Variants in DCAF6 observed in about 807,000 individuals in gnomAD.
The protein encoded by DCAF6 is DDB1 and CUL4 associated factor 6, also known as DDB1- and CUL4-associated factor 6.
Under a neutral mutation model 125.1 loss-of-function variants are expected in DCAF6, and 54 were observed. The ratio of observed to expected loss-of-function variants is 0.43; its 90% CI spans 0.35 to 0.54. The LOEUF is 0.54. Ranked by LOEUF, DCAF6 falls within the 20% of genes least tolerant of loss-of-function variation. DCAF6 has a pLI of 0.01. For missense variants in DCAF6, 934 were observed against 1,161.7 expected (o/e 0.80, Z 2.85); for synonymous variants, 371 against 390.4 (o/e 0.95, Z 0.58).
intron 11 of DCAF6, 116 bp from the exon 12 acceptor site, chr1:168,022,872 A>G (rs2103242308): frequency 4.5e-6 from 4 of 882,902 alleles, no homozygotes; most frequent in East Asian, 5.3e-5. Flanking sequence ...ACACCACAGT[A>G]CTTACTTCTA....
chr1:167,922,399 A>G, the DCAF6 span, among the ~76,000 whole-genome samples: 4 of 152,280 alleles, frequency 2.6e-5, no homozygotes, highest in African/African-American at 9.6e-5. Context: ...TTGAGATCAA[A>G]GAGGCCCCTA....
chr1:167,971,809 A>G lies in DCAF6; in HGVS notation c.253-3021A>G, dbSNP rs182207424. 2.6e-5 allele frequency among the ~76,000 whole-genome samples: 4 copies of G among 152,314 alleles called. No homozygotes were observed. The East Asian group carries it at 7.7e-4, about 29-fold the overall frequency. On this transcript the variant is annotated intron_variant, in intron 3 of 21. Transcript: ENST00000367840. ...AACTCATAATGCATTGATCCAAGGAAAGCACAACTAAGAAGATAAATCCAT... is the reference window on the plus strand; with the variant it reads ...AACTCATAATGCATTGATCCAAGGAGAGCACAACTAAGAAGATAAATCCAT...
At chr1:168,019,876 T>C (rs758353088) in intron 11 of DCAF6, 16 of 161,506 alleles carry the variant, frequency 9.9e-5, no homozygotes, top group Admixed American at 3.6e-4. Flanking sequence ...ATAATGACAG[T>C]CACATGGCAG....
the DCAF6 span, among the ~76,000 whole-genome samples, chr1:167,877,247 T>C: frequency 6.7e-6 from 1 of 149,144 alleles, no homozygotes; most frequent in Non-Finnish European, 1.5e-5. Flanking sequence ...CTATCTCGTA[T>C]GGTCAATATT....
rs1688758439 is a variant in DCAF6 at position 168,043,102 on chromosome 1, A to G, written c.1805A>G (p.Gln602Arg). 1.9e-6 allele frequency: 3 copies of G among 1,612,852 alleles called. No individual in the cohort carries two copies. The African/African-American group carries it at 4.0e-5, about 22-fold the overall frequency. ...GGTCAGGAGGAATCTTTCGTCCCAC[A>G]GAGCTCAGTGCAACCACCAGAAGGA... ...SEGQEESFVP[Q>R]SSVQPPEGDS... Residue 602 changes from glutamine (Q) to arginine (R), a missense_variant, in exon 14 of 22, where the codon CAG (glutamine) becomes CGG (arginine). Gln to Arg is a conservative substitution (Grantham distance 43). This residue lies in a region of DCAF6 where 559 missense variants were observed against 635.5 expected (regional missense o/e 0.88). Transcript: ENST00000367840.
At chr1:167,999,546 A>G (rs1571876404) in intron 7 of DCAF6, among the ~76,000 whole-genome samples, 2 of 152,150 alleles carry the variant, frequency 1.3e-5, no homozygotes, top group East Asian at 3.8e-4. Flanking sequence ...ACTTTGATCA[A>G]TTATCTTAGC....
chr1:167,887,896 A>G, the DCAF6 span, among the ~76,000 whole-genome samples: 2 of 151,994 alleles, frequency 1.3e-5, no homozygotes, highest in African/African-American at 4.8e-5. Context: ...AGTCTCCCCA[A>G]TGTTTTCTTG....
At chr1:167,879,898 C>T in the DCAF6 span, among the ~76,000 whole-genome samples, 1 of 152,170 alleles carries the variant, frequency 6.6e-6, no homozygotes, top group Non-Finnish European at 1.5e-5. Flanking sequence ...CCACTGCTCC[C>T]CTCTCATGAC....
intron 2 of DCAF6, among the ~76,000 whole-genome samples, chr1:167,954,285 AC>A (rs1276735442): frequency 2.0e-5 from 3 of 151,774 alleles, no homozygotes; most frequent in Non-Finnish European, 4.4e-5. Context: ...GAGCCACTGC[AC>A]CCCACCCACT....
intron 14 of DCAF6, among the ~76,000 whole-genome samples, chr1:168,044,265 A>G (rs1054750286): frequency 2.0e-5 from 3 of 152,188 alleles, no homozygotes; most frequent in East Asian, 3.8e-4. Context: ...TCTGGATTTA[A>G]TGATACATTT....
chr1:167,985,132 A>T (rs893905677), intron 4 of DCAF6, among the ~76,000 whole-genome samples: 5 of 152,056 alleles, frequency 3.3e-5, no homozygotes, highest in African/African-American at 1.2e-4. Flanking sequence ...TCCCTCCCAC[A>T]ACACGTGGCA....
At chr1:167,999,842 C>T (rs1033548462) in intron 7 of DCAF6, among the ~76,000 whole-genome samples, 10 of 152,252 alleles carry the variant, frequency 6.6e-5, no homozygotes, top group East Asian at 1.9e-4. Context: ...AAGGCTGTTT[C>T]GTTTTCTTAT....
At chr1:168,047,702 A>G (rs1053316085) in intron 16 of DCAF6, among the ~76,000 whole-genome samples, 44 of 151,620 alleles carry the variant, frequency 2.9e-4, no homozygotes, top group African/African-American at 8.2e-4. Context: ...TTATATATAT[A>G]TGTGTGTGTG....
chr1:168,042,251 A>G (rs1222411462), intron 13 of DCAF6, among the ~76,000 whole-genome samples: 1 of 151,910 alleles, frequency 6.6e-6, no homozygotes, highest in Non-Finnish European at 1.5e-5. Flanking sequence ...TTTATTTTAA[A>G]CTTAAAGAAT....
rs59674650 is a variant in DCAF6, at chr1:168,072,294, TAAAAAAAAAAAAAAAAAA to T, written c.2792-3063_2792-3046del. Among the ~76,000 whole-genome samples the T allele has an allele frequency of 8.8e-4, 36 of 41,010 alleles. No individual in the cohort carries two copies. In the South Asian group the frequency reaches 0.019, roughly 21 times the overall value. 26.9% of individuals were successfully genotyped at this position (41,010 alleles called of 152,430 possible). A position where few individuals can be genotyped will look rare whatever the true frequency, so the allele number is the denominator to read the frequency against. ...CCTGGTGACAGAGGGAGAATCAGTC[TAAAAAAAAAAAAAAAAAA>T]AAAAAAAAAAAAAGAAAAGAAAAGT... On this transcript the variant is annotated intron_variant, in intron 21 of 21. Coordinates refer to ENST00000367840, the MANE Select transcript of DCAF6 (RefSeq NM_001198956.2).
rs140500191 is a variant in DCAF6, at chr1:167,954,043, G to A, written c.159+2182G>A. ...TTGTTTTGAGACTGAGTCTCACTCC[G>A]TCTTCCAGGCTGGAGTGGAGTGGCA... On this transcript the variant is annotated intron_variant, in intron 2 of 21. Coordinates refer to ENST00000367840, the MANE Select transcript of DCAF6 (RefSeq NM_001198956.2). Among the ~76,000 whole-genome samples the A allele has an allele frequency of 6.5e-3, 981 of 151,974 alleles. 9 individuals are homozygous for A. Among genetic ancestry groups the A allele is most frequent in the African/African-American group, 0.022 (914 of 41,440 alleles).
At chr1:167,984,022 G>A (rs945310270) in intron 4 of DCAF6, among the ~76,000 whole-genome samples, 5 of 152,164 alleles carry the variant, frequency 3.3e-5, no homozygotes, top group Admixed American at 6.5e-5. Context: ...TACCATAGTC[G>A]CAAGGCTGCT....
chr1:168,065,501 TAAAAC>T (rs1452080729), intron 18 of DCAF6, 84 bp from the exon 19 acceptor site: 32 of 1,028,132 alleles, frequency 3.1e-5, no homozygotes, highest in Non-Finnish European at 3.6e-5. Flanking sequence ...ATGTAAGAAT[TAAAAC>T]AAATAAAAAA....
the DCAF6 span, chr1:167,902,147 A>G: frequency 1.6e-6 from 2 of 1,219,554 alleles, no homozygotes; most frequent in Non-Finnish European, 2.4e-6. Context: ...AACTAGGTCA[A>G]AAGAACAGTG....
Sources: gnomAD v4.1 joint callset for allele counts (sites outside exome capture counted in the v4.1 genomes callset) on GRCh38, gnomAD v4.1.1 for gene constraint, gnomAD v4.1.1 regional missense constraint, MANE v1.5 for transcripts, NCBI Gene and HGNC (gene_info 2026-07-23, HGNC 2026-07-21) for gene names.